GRIA3: variants seen among roughly 807,000 people sequenced by gnomAD.
GRIA3 encodes the protein glutamate receptor 3.
Under a neutral mutation model 63.0 loss-of-function variants are expected in GRIA3, and 3 were observed. The ratio of observed to expected loss-of-function variants is 0.05; its 90% CI spans 0.02 to 0.12. The LOEUF (loss-of-function observed/expected upper bound fraction) is 0.12, where lower values mean the gene tolerates loss of function less well. Ranked by LOEUF, GRIA3 falls within the 10% of genes least tolerant of loss-of-function variation. The pLI, the probability that GRIA3 is intolerant of heterozygous loss-of-function variation, is 1.00. For missense variants in GRIA3, 347 were observed against 700.9 expected, an observed-to-expected ratio of 0.50 and a Z score of 5.70; for synonymous variants, 274 against 257.9, an observed-to-expected ratio of 1.06 and a Z score of -0.60.
At chrX:123,247,618 T>A (rs1268394455) in intron 2 of GRIA3, among the ~76,000 whole-genome samples, 1 of 111,519 alleles carries the variant, frequency 9.0e-6, no homozygotes, top group Non-Finnish European at 1.9e-5. Context: ...AGGCCCCAGG[T>A]AGGGACAGCA....
At chrX:123,383,508 C>T (rs1376509592) in intron 5 of GRIA3, among the ~76,000 whole-genome samples, 1 of 110,978 alleles carries the variant, frequency 9.0e-6, no homozygotes, top group East Asian at 2.8e-4. Context: ...ATTTTTAGCT[C>T]CCAGATATGA....
intron 3 of GRIA3, among the ~76,000 whole-genome samples, chrX:123,309,697 T>C (rs1476996608): frequency 1.8e-5 from 2 of 111,749 alleles, no homozygotes; most frequent in African/African-American, 6.5e-5. Flanking sequence ...CTGGCAAATT[T>C]AAGATGCCTT....
intron 15 of GRIA3, among the ~76,000 whole-genome samples, chrX:123,484,111 A>C (rs1412601464): frequency 8.9e-6 from 1 of 111,902 alleles, no homozygotes; most frequent in Non-Finnish European, 1.9e-5. Flanking sequence ...CTATCAAAGG[A>C]TAGTCTAGGC....
In GRIA3 at chrX:123,474,063, A is replaced by G. The variant is rs181572713; in HGVS notation, c.2325-6000A>G. On this transcript the variant is annotated intron_variant, in intron 13 of 15. Coordinates refer to ENST00000620443, the MANE Select transcript of GRIA3 (RefSeq NM_007325.5). ...GTATTTCAGGGGACTAAATCATACT[A>G]CAACCTGGGTTCTGATATTTTTCAG... Among the ~76,000 whole-genome samples the G allele has an allele frequency of 1.0e-3, 112 of 112,188 alleles. 2 individuals are homozygous for G. Among genetic ancestry groups the G allele is most frequent in the Admixed American group, 8.9e-3 (94 of 10,557 alleles).
At position 123,417,995 on chromosome X, in the gene GRIA3, T is replaced by C. The variant is rs138569435; in HGVS notation, c.1877+217T>C. 2.2e-3 allele frequency: 897 copies of C among 398,742 alleles called. 9 individuals carry two copies. Among genetic ancestry groups the C allele is most frequent in the African/African-American group, 0.02 (797 of 39,241 alleles). 32.9% of individuals were successfully genotyped at this position (398,742 alleles called of 1,213,427 possible). A position where few individuals can be genotyped will look rare whatever the true frequency, so the allele number is the denominator to read the frequency against. On this transcript the variant is annotated intron_variant, in intron 11 of 15. Coordinates refer to ENST00000620443, the MANE Select transcript of GRIA3 (RefSeq NM_007325.5). ...TCTTTCATGCATTTCTATGGTATTG[T>C]ATATACATTAAAACAAACATTTGAA...
At chrX:123,449,889 C>T (rs112190344) in intron 12 of GRIA3, among the ~76,000 whole-genome samples, 3,198 of 111,545 alleles carry the variant, frequency 0.029, 56 homozygotes, top group Non-Finnish European at 0.045. Flanking sequence ...CCTGACATAT[C>T]GGGGTGGCAC....
chrX:123,256,497 G>A (rs1435737921), intron 3 of GRIA3, among the ~76,000 whole-genome samples: 1 of 111,583 alleles, frequency 9.0e-6, no homozygotes, highest in Non-Finnish European at 1.9e-5. Context: ...AGCATGTGAA[G>A]AGTAGAGGGA....
intron 3 of GRIA3, among the ~76,000 whole-genome samples, chrX:123,314,903 C>T (rs766954866): frequency 8.9e-5 from 10 of 111,982 alleles, no homozygotes; most frequent in Non-Finnish European, 1.7e-4. Flanking sequence ...CAATCACTTA[C>T]GGCTGTCTAC....
chrX:123,458,243 A>T (rs1305794660), intron 12 of GRIA3, among the ~76,000 whole-genome samples: 1 of 109,199 alleles, frequency 9.2e-6, no homozygotes, highest in Non-Finnish European at 1.9e-5. Context: ...GCGGTGACAA[A>T]AAAAGACATG....
At chrX:123,439,594 TA>T (rs202022825) in intron 12 of GRIA3, among the ~76,000 whole-genome samples, 2,387 of 110,708 alleles carry the variant, frequency 0.022, 48 homozygotes, top group Admixed American at 0.062. Context: ...TTTTTTTTTT[TA>T]ATTAAGGTAT....
chrX:123,464,353 A>G (rs1361045667), intron 12 of GRIA3, among the ~76,000 whole-genome samples: 1 of 111,930 alleles, frequency 8.9e-6, no homozygotes, highest in East Asian at 2.8e-4. Context: ...TGGGAGTTAT[A>G]GAAAAACAAA....
intron 2 of GRIA3, among the ~76,000 whole-genome samples, chrX:123,195,966 T>A (rs1034533484): frequency 2.7e-5 from 3 of 111,443 alleles, no homozygotes; most frequent in African/African-American, 9.8e-5. Flanking sequence ...CTAACTAACC[T>A]TCCCCCAGGC....
intron 3 of GRIA3, among the ~76,000 whole-genome samples, chrX:123,270,004 T>C (rs1203032570): frequency 8.9e-6 from 1 of 112,754 alleles, no homozygotes; most frequent in Non-Finnish European, 1.9e-5. Flanking sequence ...ACATTTTCAT[T>C]TCTTAATAAG....
chrX:123,222,968 C>T (rs1234540432), intron 2 of GRIA3, among the ~76,000 whole-genome samples: 1 of 112,166 alleles, frequency 8.9e-6, no homozygotes, highest in Non-Finnish European at 1.9e-5. Context: ...CTCCTAAGCA[C>T]AACTATTGAG....
intron 13 of GRIA3, 54 bp from the exon 14 acceptor site, chrX:123,480,009 G>A: frequency 1.2e-6 from 1 of 833,119 alleles, no homozygotes; most frequent in East Asian, 3.2e-5. Flanking sequence ...TTTGAAGCTT[G>A]AATAACATAA....
At chrX:123,419,063 A>C (rs1283563226) in intron 11 of GRIA3, among the ~76,000 whole-genome samples, 2 of 112,288 alleles carry the variant, frequency 1.8e-5, no homozygotes, top group African/African-American at 6.5e-5. Flanking sequence ...ACTATTCACC[A>C]ATTAAAAAGA....
chrX:123,440,389 T>C (rs2045667364), intron 12 of GRIA3, among the ~76,000 whole-genome samples: 1 of 112,524 alleles, frequency 8.9e-6, no homozygotes, highest in South Asian at 3.7e-4. Flanking sequence ...TCCACAATGG[T>C]TGAACTAATT....
At chrX:123,443,267 G>C (rs2045686051) in intron 12 of GRIA3, among the ~76,000 whole-genome samples, 1 of 112,051 alleles carries the variant, frequency 8.9e-6, no homozygotes, top group Admixed American at 9.4e-5. Context: ...ATGGCCAAAA[G>C]CCTTGAAAGG....
intron 3 of GRIA3, among the ~76,000 whole-genome samples, chrX:123,320,388 C>T (rs750075628): frequency 3.6e-5 from 4 of 112,094 alleles, no homozygotes; most frequent in South Asian, 3.8e-4. Context: ...TACGTGTGTT[C>T]GCTGAAAGGA....
Sources: allele counts gnomAD v4.1 joint callset (sites outside exome capture counted in the v4.1 genomes callset), GRCh38; gene constraint gnomAD v4.1.1; transcripts MANE v1.5; gene names NCBI Gene and HGNC (gene_info 2026-07-23, HGNC 2026-07-21).